The following LRRTM4 variants were observed in gnomAD, a reference collection of about 807,000 sequenced individuals.
LRRTM4 encodes the protein leucine rich repeat transmembrane neuronal 4.
A neutral mutation model predicts 47.6 loss-of-function variants in LRRTM4; 25 were observed. That is an observed-to-expected ratio of 0.53 (90% confidence interval 0.38 to 0.73). The LOEUF (loss-of-function observed/expected upper bound fraction) is 0.73, where lower values mean the gene tolerates loss of function less well. Ranked by LOEUF, LRRTM4 falls within the 30% of genes least tolerant of loss-of-function variation. The probability of loss-of-function intolerance (pLI) is 0.00; values close to 1 mark genes in which losing one functional copy is unlikely to be tolerated. For synonymous variants in LRRTM4, 311 were observed against 269.5 expected (o/e 1.15, Z -1.51); for missense variants, 638 against 713.4 (o/e 0.89, Z 1.20).
At chr2:77,312,551 C>A (rs1390170900) in intron 3 of LRRTM4, among the ~76,000 whole-genome samples, 1 of 151,996 alleles carries the variant, frequency 6.6e-6, no homozygotes, top group East Asian at 1.9e-4. Flanking sequence ...GTATTTATTT[C>A]TCTTTGGTTT....
At chr2:76,891,883 C>CA (rs1242342947) in intron 3 of LRRTM4, among the ~76,000 whole-genome samples, 2 of 151,032 alleles carry the variant, frequency 1.3e-5, no homozygotes, top group Non-Finnish European at 3.0e-5. Context: ...ATTTCAATGA[C>CA]AAAAAATGGC....
intron 3 of LRRTM4, among the ~76,000 whole-genome samples, chr2:76,954,557 C>G (rs1024417579): frequency 6.6e-6 from 1 of 151,204 alleles, no homozygotes; most frequent in African/African-American, 2.4e-5. Flanking sequence ...CTAAAGTATA[C>G]CATCAAATGA....
intron 3 of LRRTM4, among the ~76,000 whole-genome samples, chr2:76,921,498 C>T (rs1204160180): frequency 2.0e-5 from 3 of 151,914 alleles, no homozygotes; most frequent in Admixed American, 2.0e-4. Flanking sequence ...TAAGCACAGT[C>T]CACACTCAAG....
At chr2:76,849,802 A>G (rs1179659516) in intron 3 of LRRTM4, among the ~76,000 whole-genome samples, 1 of 152,152 alleles carries the variant, frequency 6.6e-6, no homozygotes, top group Non-Finnish European at 1.5e-5. Flanking sequence ...TATAATAGTA[A>G]GCAATCTCTT....
chr2:76,807,473 T>TATATATATATATACATATATATATAC (rs1670555169), intron 3 of LRRTM4, among the ~76,000 whole-genome samples: 4 of 106,618 alleles, frequency 3.8e-5, no homozygotes, highest in Admixed American at 1.1e-4. Context: ...TATATATACA[T>TATATATATATATACATATATATATAC]ATATATATAT....
At chr2:77,383,039 T>C (rs534992935) in intron 3 of LRRTM4, among the ~76,000 whole-genome samples, 2 of 152,204 alleles carry the variant, frequency 1.3e-5, no homozygotes, top group East Asian at 1.9e-4. Context: ...TCTCATGTTA[T>C]TGCTAACATA....
chr2:77,428,403 C>T (rs2103898704), intron 3 of LRRTM4, among the ~76,000 whole-genome samples: 1 of 152,218 alleles, frequency 6.6e-6, no homozygotes, highest in African/African-American at 2.4e-5. Flanking sequence ...ATAAATGTAA[C>T]TTTTTGTTAA....
intron 3 of LRRTM4, among the ~76,000 whole-genome samples, chr2:77,070,183 GA>G (rs1680104665): frequency 1.3e-5 from 2 of 152,050 alleles, no homozygotes; most frequent in South Asian, 4.2e-4. Flanking sequence ...GGGACTATGA[GA>G]AGATAAAAAT....
At chr2:76,903,431 G>A (rs895850466) in intron 3 of LRRTM4, among the ~76,000 whole-genome samples, 2 of 152,174 alleles carry the variant, frequency 1.3e-5, no homozygotes, top group Admixed American at 1.3e-4. Context: ...AGCTACTCGG[G>A]AGGCTGAGGC....
chr2:77,385,699 T>TA (rs1416263575), intron 3 of LRRTM4, among the ~76,000 whole-genome samples: 3 of 149,600 alleles, frequency 2.0e-5, no homozygotes, highest in African/African-American at 7.3e-5. Context: ...CTTCTTTTTC[T>TA]AAAAAATAAA....
At chr2:77,201,876 CA>C (rs1401155939) in intron 3 of LRRTM4, among the ~76,000 whole-genome samples, 1 of 152,064 alleles carries the variant, frequency 6.6e-6, no homozygotes, top group Non-Finnish European at 1.5e-5. Flanking sequence ...CTTCTTTTCA[CA>C]GACACTACAG....
chr2:77,253,419 G>A (rs532362159), intron 3 of LRRTM4, among the ~76,000 whole-genome samples: 2 of 152,154 alleles, frequency 1.3e-5, no homozygotes, highest in Admixed American at 6.5e-5. Flanking sequence ...AACCTAGCAC[G>A]AATGAGAAGA....
intron 3 of LRRTM4, among the ~76,000 whole-genome samples, chr2:76,751,759 G>A (rs1369333369): frequency 6.6e-6 from 1 of 152,088 alleles, no homozygotes. Context: ...TTGGTGCCAT[G>A]GGTCACTTAT....
At chr2:77,121,094 C>G (rs1355988438) in intron 3 of LRRTM4, among the ~76,000 whole-genome samples, 1 of 151,714 alleles carries the variant, frequency 6.6e-6, no homozygotes, top group Non-Finnish European at 1.5e-5. Flanking sequence ...ACAACAAGCT[C>G]TCATGTCTAG....
chr2:77,027,583 A>C (rs930169768), intron 3 of LRRTM4, among the ~76,000 whole-genome samples: 20 of 152,288 alleles, frequency 1.3e-4, no homozygotes, highest in Middle Eastern at 3.4e-3. Flanking sequence ...GCATGACTAC[A>C]CCAATCCTAC....
chr2:77,406,597 A>T (rs1274635817), intron 3 of LRRTM4, among the ~76,000 whole-genome samples: 5 of 152,034 alleles, frequency 3.3e-5, no homozygotes, highest in South Asian at 2.1e-4. Flanking sequence ...CACCGCACCC[A>T]GTCTGACATG....
chr2:77,303,462 T>A (rs1677192316), intron 3 of LRRTM4, among the ~76,000 whole-genome samples: 1 of 152,188 alleles, frequency 6.6e-6, no homozygotes, highest in Non-Finnish European at 1.5e-5. Flanking sequence ...GAAGGAAAAC[T>A]AATAAATTAG....
intron 3 of LRRTM4, among the ~76,000 whole-genome samples, chr2:77,107,619 G>A (rs1296558229): frequency 1.3e-5 from 2 of 152,050 alleles, no homozygotes; most frequent in Non-Finnish European, 2.9e-5. Flanking sequence ...GGGAGTTCGA[G>A]ACCAGCCTAA....
At chr2:77,101,136 C>A (rs1460630562) in intron 3 of LRRTM4, among the ~76,000 whole-genome samples, 1 of 152,112 alleles carries the variant, frequency 6.6e-6, no homozygotes, top group East Asian at 1.9e-4. Context: ...GTTAATCTTA[C>A]CATCTATAGA....
Sources: gnomAD v4.1 joint callset for allele counts (sites outside exome capture counted in the v4.1 genomes callset) on GRCh38, gnomAD v4.1.1 for gene constraint, MANE v1.5 for transcripts, NCBI Gene and HGNC (gene_info 2026-07-23, HGNC 2026-07-21) for gene names.